Variants in TPX2 observed in about 807,000 individuals in gnomAD.
TPX2 encodes TPX2 microtubule nucleation factor.
A neutral mutation model predicts 93.6 loss-of-function variants in TPX2; 21 were observed. The observed-to-expected ratio is 0.22, with a 90% CI of 0.16 to 0.32. The LOEUF is 0.32. Ranked by LOEUF, TPX2 falls within the 10% of genes least tolerant of loss-of-function variation. The pLI is 1.00. For missense variants in TPX2, 776 were observed against 871.1 expected (o/e 0.89, Z 1.37); for synonymous variants, 281 against 298.3 (o/e 0.94, Z 0.60).
chr20:31,772,556 A>G (rs932531075), intron 7 of TPX2, among the ~76,000 whole-genome samples: 6 of 152,216 alleles, frequency 3.9e-5, no homozygotes, highest in Non-Finnish European at 1.5e-5. Context: ...CTTACCACGT[A>G]GATTGAACAT....
At chr20:31,742,174 C>CTTT (rs538601587) in intron 1 of TPX2, among the ~76,000 whole-genome samples, 2 of 126,380 alleles carry the variant, frequency 1.6e-5, no homozygotes, top group Admixed American at 7.9e-5. Context: ...AAAGTTTGCT[C>CTTT]TTTTTTTTTT....
chr20:31,772,213 G>T (rs1217966513), intron 7 of TPX2, among the ~76,000 whole-genome samples: 1 of 152,058 alleles, frequency 6.6e-6, no homozygotes, highest in Non-Finnish European at 1.5e-5. Context: ...TAGAGATGGG[G>T]TTTCACCATG....
In TPX2 at chr20:31,766,415, A is replaced by G. The variant is rs181192066; in HGVS notation, c.230-141A>G. 1,915 of 911,052 alleles carry G rather than the reference A, an allele frequency of 2.1e-3. 3 individuals carry two copies. The highest frequency in any genetic ancestry group is 2.8e-3 in the Non-Finnish European group (1,776 of 636,052). 56.4% of individuals were successfully genotyped at this position (911,052 alleles called of 1,614,324 possible). On this transcript the variant is annotated intron_variant, in intron 4 of 17. Coordinates refer to ENST00000300403, the MANE Select transcript of TPX2 (RefSeq NM_012112.5). ...GCTTTTATAAACTGGTCTTCTGTAT[A>G]AGATTTAACTGGAACTAAGGTTTCT... is the stretch of plus-strand genomic sequence containing the variant.
intron 16 of TPX2, 87 bp downstream of exon 16, chr20:31,797,602 C>G (rs1169462342): frequency 2.0e-5 from 24 of 1,176,582 alleles, no homozygotes; most frequent in Non-Finnish European, 2.7e-5. Flanking sequence ...CAGTACAATG[C>G]TGTGTCAACT....
intron 15 of TPX2, among the ~76,000 whole-genome samples, chr20:31,795,797 G>A (rs2062135070): frequency 6.6e-6 from 1 of 152,178 alleles, no homozygotes; most frequent in South Asian, 2.1e-4. Flanking sequence ...CAATTAATTG[G>A]TTATTTGCTG....
chr20:31,753,467 T>C (rs1461542571), intron 2 of TPX2, among the ~76,000 whole-genome samples: 3 of 152,222 alleles, frequency 2.0e-5, no homozygotes, highest in African/African-American at 7.2e-5. Flanking sequence ...GTTTTTACCA[T>C]GATCCTTAGG....
intron 9 of TPX2, among the ~76,000 whole-genome samples, chr20:31,778,572 A>G (rs139457175): frequency 6.6e-6 from 1 of 152,292 alleles, no homozygotes; most frequent in African/African-American, 2.4e-5. Context: ...GGGGGAAATT[A>G]CCTATGTACT....
intron 12 of TPX2, among the ~76,000 whole-genome samples, 193 bp downstream of exon 12, chr20:31,784,114 G>C (rs923473130): frequency 9.8e-5 from 15 of 152,328 alleles, no homozygotes; most frequent in South Asian, 2.1e-4. Flanking sequence ...ATATATGTGT[G>C]AATAATAGAA....
chr20:31,780,304 A>G (rs1205564004), intron 10 of TPX2, among the ~76,000 whole-genome samples: 1 of 152,052 alleles, frequency 6.6e-6, no homozygotes, highest in African/African-American at 2.4e-5. Context: ...CGCCCGCCTC[A>G]ACCTCCCAAA....
rs898960941 is a variant in TPX2, at chr20:31,801,529, A to G, written c.*449A>G. On this transcript the variant is annotated 3_prime_UTR_variant, in exon 18 of 18. Coordinates refer to ENST00000300403, the MANE Select transcript of TPX2 (RefSeq NM_012112.5). ...TAAGTCATGGTTTAAATGAGGAACA[A>G]TCAGTAAATCAGATTCTGTCCTCTT... is the stretch of plus-strand genomic sequence containing the variant. 1 of 154,096 alleles carries G rather than the reference A, an allele frequency of 6.5e-6. No homozygotes were observed. The highest frequency in any genetic ancestry group is 6.4e-5 in the Admixed American group (1 of 15,568). 9.5% of individuals were successfully genotyped at this position (154,096 alleles called of 1,614,324 possible).
intron 4 of TPX2, among the ~76,000 whole-genome samples, chr20:31,764,127 T>TATGTACATATACATGTATGTGTACATAC (rs1256809839): frequency 6.6e-6 from 1 of 151,594 alleles, no homozygotes; most frequent in Admixed American, 6.6e-5. Context: ...TGTGTGTATA[T>TATGTACATATACATGTATGTGTACATAC]ATGTACATAT....
At chr20:31,742,346 T>A (rs937977396) in intron 1 of TPX2, among the ~76,000 whole-genome samples, 195 bp from the exon 2 acceptor site, 10 of 151,944 alleles carry the variant, frequency 6.6e-5, no homozygotes, top group African/African-American at 2.4e-4. Context: ...CCTGGCTAAT[T>A]TTTGTATTTT....
intron 17 of TPX2, among the ~76,000 whole-genome samples, chr20:31,799,161 T>C (rs1209137313): frequency 1.3e-5 from 2 of 152,238 alleles, no homozygotes; most frequent in African/African-American, 4.8e-5. Context: ...ATTATTTAGA[T>C]GTTGGTTATC....
At chr20:31,743,546 T>A (rs1207865835) in intron 2 of TPX2, among the ~76,000 whole-genome samples, 1 of 151,688 alleles carries the variant, frequency 6.6e-6, no homozygotes, top group East Asian at 1.9e-4. Flanking sequence ...CATAAAAAAA[T>A]TTAACCGGGC....
intron 12 of TPX2, among the ~76,000 whole-genome samples, chr20:31,784,133 G>T (rs544154652): frequency 6.6e-6 from 1 of 152,352 alleles, no homozygotes; most frequent in African/African-American, 2.4e-5. Flanking sequence ...AAAATGGACA[G>T]AAGTGTTCTG....
At chr20:31,749,587 G>C (rs2061805879) in intron 2 of TPX2, among the ~76,000 whole-genome samples, 1 of 151,856 alleles carries the variant, frequency 6.6e-6, no homozygotes, top group African/African-American at 2.4e-5. Flanking sequence ...CTTGAGGTCA[G>C]GAGTTCAAGA....
intron 13 of TPX2, 39 bp from the exon 14 acceptor site, chr20:31,793,809 G>C (rs201265216): frequency 2.8e-5 from 43 of 1,520,084 alleles, no homozygotes; most frequent in Non-Finnish European, 3.7e-5. Context: ...GTTGGAGAGA[G>C]TGAGGAGTCT....
intron 1 of TPX2, among the ~76,000 whole-genome samples, chr20:31,739,973 G>A (rs1014541227): frequency 2.6e-5 from 4 of 152,134 alleles, no homozygotes; most frequent in African/African-American, 9.7e-5. Context: ...AAGTCCACTT[G>A]GAGTTGTCTT....
intron 8 of TPX2, among the ~76,000 whole-genome samples, chr20:31,776,940 TAAAGGC>T (rs1230526212): frequency 1.3e-5 from 2 of 152,164 alleles, no homozygotes; most frequent in African/African-American, 4.8e-5. Flanking sequence ...TATTTTTTTC[TAAAGGC>T]AAAGGAAAAG....
Sources: gnomAD v4.1 joint callset for allele counts (sites outside exome capture counted in the v4.1 genomes callset) on GRCh38, gnomAD v4.1.1 for gene constraint, MANE v1.5 for transcripts, NCBI Gene and HGNC (gene_info 2026-07-23, HGNC 2026-07-21) for gene names.